KANTR: variants seen among roughly 807,000 people sequenced by gnomAD.
KANTR encodes the protein KANTR integral membrane protein.
intron 2 of KANTR, among the ~76,000 whole-genome samples, chrX:53,105,335 G>C (rs1201264826): frequency 8.9e-6 from 1 of 111,982 alleles, no homozygotes; most frequent in East Asian, 2.8e-4. Context: ...GAGTATGAAA[G>C]TGGTGTCTCA....
At chrX:53,142,898 G>A, downstream of KANTR, 1 of 578,639 alleles carries the variant, frequency 1.7e-6, no homozygotes, top group Non-Finnish European at 3.0e-6. Context: ...AAGGTGGACA[G>A]TGAGGCCAGG....
At chrX:53,142,990 G>A (rs144650600), downstream of KANTR, 817 of 1,083,319 alleles carry the variant, frequency 7.5e-4, 9 homozygotes, top group African/African-American at 0.014. Flanking sequence ...TGCCAGCGTG[G>A]TGATGCCAGG....
downstream of KANTR, among the ~76,000 whole-genome samples, chrX:53,128,120 C>G (rs1245718950): frequency 8.9e-6 from 1 of 111,838 alleles, no homozygotes; most frequent in Non-Finnish European, 1.9e-5. Context: ...ACTCCGGATA[C>G]TAATTCTGTT....
downstream of KANTR, among the ~76,000 whole-genome samples, chrX:53,129,568 A>G (rs1933335962): frequency 9.1e-6 from 1 of 110,292 alleles, no homozygotes; most frequent in African/African-American, 3.3e-5. Context: ...AGGATATTAA[A>G]CACTGACACT....
intron 2 of KANTR, among the ~76,000 whole-genome samples, chrX:53,105,181 G>A (rs1031388784): frequency 6.7e-4 from 75 of 111,673 alleles, no homozygotes; most frequent in Admixed American, 6.2e-3. Flanking sequence ...ATGGTGCCCC[G>A]CCTTATGTTT....
At chrX:53,109,579 C>T (rs1214118590) in intron 2 of KANTR, among the ~76,000 whole-genome samples, 2 of 112,209 alleles carry the variant, frequency 1.8e-5, no homozygotes, top group East Asian at 2.8e-4. Flanking sequence ...CCACTACACC[C>T]GGTTATTCCT....
At chrX:53,119,193 G>A (rs1345379807) in intron 2 of KANTR, among the ~76,000 whole-genome samples, 2 of 108,578 alleles carry the variant, frequency 1.8e-5, no homozygotes, top group Admixed American at 9.8e-5. Context: ...GACTACAGGC[G>A]TGTGCCATGC....
chrX:53,101,485 TC>T (rs1196045608), intron 2 of KANTR, among the ~76,000 whole-genome samples: 1 of 112,049 alleles, frequency 8.9e-6, no homozygotes, highest in Non-Finnish European at 1.9e-5. Flanking sequence ...TTGAGATACT[TC>T]CTTTGACTCG....
At chrX:53,142,316 GT>G (rs34127394) in exon 3 of KANTR, 156 of 95,082 alleles carry the variant, frequency 1.6e-3, no homozygotes, top group African/African-American at 3.7e-3. Context: ...TTCTGTGTAT[GT>G]TTTTTTTTTT....
chrX:53,139,304 G>A (rs1556818135), intron 2 of KANTR, among the ~76,000 whole-genome samples: 3 of 111,063 alleles, frequency 2.7e-5, no homozygotes, highest in South Asian at 7.6e-4. Flanking sequence ...AATAGAAATT[G>A]TAGGGAGATG....
chrX:53,098,446 A>C (rs782807249), intron 1 of KANTR, among the ~76,000 whole-genome samples: 1 of 111,703 alleles, frequency 9.0e-6, no homozygotes, highest in African/African-American at 3.3e-5. Flanking sequence ...TCTTAAAATA[A>C]GATATCAATG....
Position 53,107,018 on chromosome X carries a change from A to C in KANTR, c.-805+7410A>C, listed in dbSNP as rs782757402. Among the ~76,000 whole-genome samples the C allele has an allele frequency of 3.6e-5, 4 of 110,229 alleles. 1 individual carries two copies. Among genetic ancestry groups the C allele is most frequent in the African/African-American group, 1.0e-4 (3 of 29,475 alleles). On this transcript the variant is annotated intron_variant, in intron 2 of 2. Transcript: ENST00000604062. ...ACTTCTGGACTCTTAATTCTATTCC[A>C]TTGATTTGCAGGTCTGTCACTATGC...
In KANTR at chrX:53,102,247, G is replaced by A. The variant is rs138085867; in HGVS notation, c.-805+2639G>A. ...ATGAGGTATTGCCTGTACTCTTAACGAAACTACAGGGTTTATTTAGATTAC... is the reference window on the plus strand; with the variant it reads ...ATGAGGTATTGCCTGTACTCTTAACAAAACTACAGGGTTTATTTAGATTAC... On this transcript the variant is annotated intron_variant, in intron 2 of 2. Transcript: ENST00000604062. 7.1e-3 allele frequency among the ~76,000 whole-genome samples: 792 copies of A among 111,790 alleles called. 4 individuals carry two copies. Among genetic ancestry groups the A allele is most frequent in the Non-Finnish European group, 0.011 (583 of 53,169 alleles).
exon 3 of KANTR, chrX:53,124,684 T>C (rs1025314430): frequency 3.0e-5 from 8 of 268,795 alleles, no homozygotes; most frequent in African/African-American, 2.2e-4. Context: ...CTGTAAGTTA[T>C]ATAGAAATGT....
At chrX:53,139,814 G>T (rs1163219687) in intron 2 of KANTR, among the ~76,000 whole-genome samples, 1 of 111,145 alleles carries the variant, frequency 9.0e-6, no homozygotes, top group East Asian at 2.8e-4. Flanking sequence ...TGACAAGCAA[G>T]ACCCTGTTTT....
At chrX:53,106,799 C>T (rs2146723574) in intron 2 of KANTR, among the ~76,000 whole-genome samples, 1 of 109,820 alleles carries the variant, frequency 9.1e-6, no homozygotes, top group Admixed American at 9.7e-5. Flanking sequence ...GAAAAATATT[C>T]TTTTTACCAT....
intron 2 of KANTR, among the ~76,000 whole-genome samples, chrX:53,113,768 T>TG (rs1164863015): frequency 9.2e-6 from 1 of 108,457 alleles, no homozygotes; most frequent in Non-Finnish European, 1.9e-5. Context: ...TTAGTAGAGA[T>TG]GGGGGTTTCA....
At chrX:53,103,168 G>A (rs782713473) in intron 2 of KANTR, among the ~76,000 whole-genome samples, 64 of 109,326 alleles carry the variant, frequency 5.9e-4, no homozygotes, top group African/African-American at 2.0e-3. Context: ...TAGAGACAGC[G>A]TTTCACCATG....
chrX:53,135,313 G>C (rs1556817471), intron 2 of KANTR, among the ~76,000 whole-genome samples: 1 of 111,775 alleles, frequency 8.9e-6, no homozygotes, highest in African/African-American at 3.3e-5. Flanking sequence ...GCCATCCTTA[G>C]ACTAGAAAAG....
Sources: gnomAD v4.1 joint callset for allele counts (sites outside exome capture counted in the v4.1 genomes callset) on GRCh38, gnomAD v4.1.1 for gene constraint, MANE v1.5 for transcripts, NCBI Gene and HGNC (gene_info 2026-07-23, HGNC 2026-07-21) for gene names.